Variants in PREX1 observed in about 807,000 individuals in gnomAD.
PREX1 encodes the protein phosphatidylinositol-3,4,5-trisphosphate dependent Rac exchange factor 1.
In PREX1, 41 loss-of-function variants were observed where a neutral mutation model predicts 198.3. The observed-to-expected ratio is 0.21, with a 90% confidence interval of 0.16 to 0.27. PREX1 has a LOEUF of 0.27. PREX1 is among the 10% of genes least tolerant of loss of function. The pLI, the probability that PREX1 is intolerant of heterozygous loss-of-function variation, is 1.00. For missense variants in PREX1, 1,620 were observed against 2,200.7 expected (o/e 0.74, Z 5.28); for synonymous variants, 843 against 887.2 (o/e 0.95, Z 0.89).
At chr20:48,762,364 G>A (rs2090184873) in intron 1 of PREX1, among the ~76,000 whole-genome samples, 1 of 152,096 alleles carries the variant, frequency 6.6e-6, no homozygotes, top group Non-Finnish European at 1.5e-5. Flanking sequence ...TCTTTGCTGT[G>A]AGGGATGTCC....
At chr20:48,675,827 A>G (rs2089704994) in intron 14 of PREX1, among the ~76,000 whole-genome samples, 1 of 152,212 alleles carries the variant, frequency 6.6e-6, no homozygotes. Flanking sequence ...TCACAAGGTC[A>G]GGAGTTCGAG....
At chr20:48,796,283 AG>A (rs1217627353) in intron 1 of PREX1, among the ~76,000 whole-genome samples, 1 of 151,898 alleles carries the variant, frequency 6.6e-6, no homozygotes, top group Non-Finnish European at 1.5e-5. Context: ...GTCCATCAAC[AG>A]GGGACTAATT....
In PREX1 at chr20:48,827,527, G is replaced by C. The variant is rs2090515077; in HGVS notation, c.219+115C>G. ...CCCCCCGCTTTCCGCGCGCCCTGCG[G>C]GGCGCCCCCGAGGCAATTCTCCACC... is the stretch of plus-strand genomic sequence containing the variant. On this transcript the variant is annotated intron_variant, in intron 1 of 39. Coordinates refer to ENST00000371941, the MANE Select transcript of PREX1 (RefSeq NM_020820.4). The surrounding 1 kb of genome is among the most constrained non-coding windows in gnomAD (Gnocchi z 4.1). The C allele has an allele frequency of 2.5e-6, 2 of 805,470 alleles. No individual in the cohort carries two copies. The highest frequency in any genetic ancestry group is 9.8e-5 in the Admixed American group (2 of 20,422). 49.9% of individuals were successfully genotyped at this position (805,470 alleles called of 1,614,324 possible). A position where few individuals can be genotyped will look rare whatever the true frequency, so the allele number is the denominator to read the frequency against.
At position 48,629,584 on chromosome 20, in the gene PREX1, C is replaced by T. The variant is rs760664875; in HGVS notation, c.4631G>A (p.Arg1544His). 7 of 1,613,994 alleles carry T rather than the reference C, an allele frequency of 4.3e-6. No individual in the cohort carries two copies. The highest frequency in any genetic ancestry group is 2.2e-5 in the East Asian group (1 of 44,878). The part of the protein sequence containing the change: ...RPINALDELC[R>H]LMKSFVHPKP... ...TGGGTGGACAAAGGACTTCATGAGGCGGCAGAGCTCATCCAGGGCATTGAT... is the reference window on the plus strand; with the variant it reads ...TGGGTGGACAAAGGACTTCATGAGGTGGCAGAGCTCATCCAGGGCATTGAT... Residue 1544 changes from arginine (R) to histidine (H), a missense_variant, in exon 37 of 40, where the codon CGC (arginine) becomes CAC (histidine). Arg to His is a conservative substitution (Grantham distance 29). This residue lies in a region of PREX1 where 476 missense variants were observed against 603.4 expected (regional missense o/e 0.79). Coordinates refer to ENST00000371941, the MANE Select transcript of PREX1 (RefSeq NM_020820.4).
intron 29 of PREX1, 75 bp downstream of exon 29, chr20:48,642,093 T>G: frequency 6.8e-7 from 1 of 1,469,368 alleles, no homozygotes; most frequent in Non-Finnish European, 9.5e-7. Flanking sequence ...GAGCTGAGCA[T>G]TAGCCCGGGT....
chr20:48,664,338 G>A lies in PREX1; in HGVS notation c.1738+1945C>T, dbSNP rs1440398123. On this transcript the variant is annotated intron_variant, in intron 15 of 39. Coordinates refer to ENST00000371941, the MANE Select transcript of PREX1 (RefSeq NM_020820.4). ...TGCAGTGAGCCGAGATCCTGCCACT[G>A]CACTCCAGCCTGGGCGACAGAGCAA... Among the ~76,000 whole-genome samples, 15 of 151,352 alleles carry A rather than the reference G, an allele frequency of 9.9e-5. No homozygotes were observed. The South Asian group carries it at 3.1e-3, about 32-fold the overall frequency.
Position 48,691,961 on chromosome 20 carries a change from C to T in PREX1, c.1036+711G>A, listed in dbSNP as rs1601080055. On this transcript the variant is annotated intron_variant, in intron 8 of 39. Coordinates refer to ENST00000371941, the MANE Select transcript of PREX1 (RefSeq NM_020820.4). The surrounding 1 kb of genome is among the most constrained non-coding windows in gnomAD (Gnocchi z 5.0). Reference sequence around the variant, plus strand: ...CTGGAGTGCACTGGTGAAATCATGGCTCACTGCAGCATCGAACTCCTGGGC... The same window carrying T: ...CTGGAGTGCACTGGTGAAATCATGGTTCACTGCAGCATCGAACTCCTGGGC... 6.6e-6 allele frequency among the ~76,000 whole-genome samples: 1 copy of T among 152,194 alleles called. No homozygotes were observed. Among genetic ancestry groups the T allele is most frequent in the African/African-American group, 2.4e-5 (1 of 41,452 alleles).
chr20:48,732,075 T>C (rs1039275234), intron 4 of PREX1, among the ~76,000 whole-genome samples: 1 of 152,222 alleles, frequency 6.6e-6, no homozygotes, highest in Non-Finnish European at 1.5e-5. Context: ...TTTCTGTCCA[T>C]GTGGGGTCTT....
intron 15 of PREX1, among the ~76,000 whole-genome samples, chr20:48,662,457 C>T (rs954869393): frequency 6.6e-6 from 1 of 152,222 alleles, no homozygotes; most frequent in Non-Finnish European, 1.5e-5. Flanking sequence ...CCCTTCCTGA[C>T]TTCATGCCCT....
In PREX1 at chr20:48,657,059, C is replaced by G. The variant is rs747658660; in HGVS notation, c.2104G>C (p.Val702Leu). Residue 702 changes from valine to leucine, a missense_variant, in exon 18 of 40, where the codon GTG becomes CTG. Val to Leu is a conservative substitution (Grantham distance 32). This residue lies in a region of PREX1 where 514 missense variants were observed against 611.6 expected (regional missense o/e 0.84). Coordinates refer to ENST00000371941, the MANE Select transcript of PREX1 (RefSeq NM_020820.4). The stretch of plus-strand genomic sequence containing the variant: ...ACTCACTCTTTGGCCTTCGTGGCCA[C>G]CAGGAGGCGCAGAGGGCGGCGGGAG... ...FCSRRPLRLL[V>L]ATKAKEIIKI... The G allele has an allele frequency of 3.8e-6, 6 of 1,599,984 alleles. No individual in the cohort carries two copies. The Admixed American group carries it at 1.0e-4, about 28-fold the overall frequency.
Position 48,649,586 on chromosome 20 carries a change from A to C in PREX1, c.3029-10T>G. 6.4e-7 allele frequency: 1 copy of C among 1,569,336 alleles called. No individual in the cohort carries two copies. Among genetic ancestry groups the C allele is most frequent in the East Asian group, 2.4e-5 (1 of 42,400 alleles). ...ATGGGGTTCAGGTGGCCTGCAGTGG[A>C]GGAAGAGAGAGCTCACTGGAAAACA... On this transcript the variant is annotated splice_polypyrimidine_tract_variant and intron_variant, in intron 24 of 39. Coordinates refer to ENST00000371941, the MANE Select transcript of PREX1 (RefSeq NM_020820.4).
rs1054724136 is a variant in PREX1, at chr20:48,827,969, G to A, written c.-109C>T. The stretch of plus-strand genomic sequence containing the variant: ...GCGCCGGCGGGCCGGGCTCAGCGGC[G>A]GGCCGGGCTCCCGGCGCGGCGGGCG... On this transcript the variant is annotated 5_prime_UTR_variant, in exon 1 of 40. Transcript: ENST00000371941. The surrounding 1 kb of genome is among the most constrained non-coding windows in gnomAD (Gnocchi z 4.1). 9.4e-6 allele frequency: 3 copies of A among 318,158 alleles called. No homozygotes were observed. Among genetic ancestry groups the A allele is most frequent in the African/African-American group, 2.3e-5 (1 of 43,646 alleles). 19.7% of individuals were successfully genotyped at this position (318,158 alleles called of 1,614,324 possible). A position where few individuals can be genotyped will look rare whatever the true frequency, so the allele number is the denominator to read the frequency against.
At chr20:48,823,158 G>A (rs568792127) in intron 1 of PREX1, among the ~76,000 whole-genome samples, 5 of 152,210 alleles carry the variant, frequency 3.3e-5, no homozygotes, top group Admixed American at 6.5e-5. Context: ...CATCCTGGTC[G>A]GTTCCGGGCA....
chr20:48,858,976 A>T, the PREX1 span, among the ~76,000 whole-genome samples: 1 of 151,924 alleles, frequency 6.6e-6, no homozygotes, highest in Non-Finnish European at 1.5e-5. Flanking sequence ...GCTCACTGCA[A>T]CCTCCAACTC....
chr20:48,734,683 G>T, intron 3 of PREX1, 33 bp from the exon 4 acceptor site: 1 of 1,596,458 alleles, frequency 6.3e-7, no homozygotes, highest in Middle Eastern at 1.7e-4. Context: ...GTGGGAGGCA[G>T]GTCATGGTAG....
intron 11 of PREX1, among the ~76,000 whole-genome samples, chr20:48,680,068 C>A (rs2089739331): frequency 1.3e-5 from 2 of 152,204 alleles, no homozygotes. Flanking sequence ...CCAGCCTGCA[C>A]TGGGACCCCT....
chr20:48,864,517 G>C, the PREX1 span, among the ~76,000 whole-genome samples: 1 of 152,220 alleles, frequency 6.6e-6, no homozygotes, highest in Non-Finnish European at 1.5e-5. Context: ...AAGTAAGCCT[G>C]TTATCTCAAT....
intron 39 of PREX1, among the ~76,000 whole-genome samples, chr20:48,626,441 C>T (rs895507980): frequency 1.3e-5 from 2 of 152,242 alleles, no homozygotes; most frequent in African/African-American, 2.4e-5. Flanking sequence ...TTTCCATTTA[C>T]TAGCTGTGTG....
At chr20:48,665,353 C>T (rs1412373429) in intron 15 of PREX1, among the ~76,000 whole-genome samples, 5 of 151,316 alleles carry the variant, frequency 3.3e-5, no homozygotes, top group Admixed American at 1.3e-4. Flanking sequence ...CGACTCCAGA[C>T]GGCCTGAGTT....
Sources: gnomAD v4.1 joint callset for allele counts (sites outside exome capture counted in the v4.1 genomes callset) on GRCh38, gnomAD v4.1.1 for gene constraint, gnomAD v4.1.1 regional missense constraint, Gnocchi (gnomAD v3.1) non-coding constraint, MANE v1.5 for transcripts, NCBI Gene and HGNC (gene_info 2026-07-23, HGNC 2026-07-21) for gene names.